Variants in TENM3 observed in about 807,000 individuals in gnomAD.
TENM3 encodes teneurin-3.
TENM3 carries 63 observed loss-of-function variants against 255.1 expected under a neutral mutation model. That is an observed-to-expected ratio of 0.25 (90% CI 0.20 to 0.30). The LOEUF (loss-of-function observed/expected upper bound fraction) is 0.30. TENM3 is among the 10% of genes least tolerant of loss of function. The pLI, the probability that TENM3 is intolerant of heterozygous loss-of-function variation, is 1.00. For synonymous variants in TENM3, 1,306 were observed against 1,322.3 expected (o/e 0.99, Z 0.27); for missense variants, 2,929 against 3,461.1 (o/e 0.85, Z 3.86).
chr4:181,935,649 A>G, the TENM3 span, among the ~76,000 whole-genome samples: 6 of 152,262 alleles, frequency 3.9e-5, no homozygotes, highest in African/African-American at 1.4e-4. Flanking sequence ...CACATGGCTC[A>G]TCTCTGCATG....
At chr4:182,469,865 G>A (rs28478370) in intron 3 of TENM3, among the ~76,000 whole-genome samples, 1 of 152,082 alleles carries the variant, frequency 6.6e-6, no homozygotes, top group African/African-American at 2.4e-5. Flanking sequence ...GTAAAATCCT[G>A]TTTTATAACA....
At chr4:181,765,669 G>C in the TENM3 span, among the ~76,000 whole-genome samples, 1 of 152,082 alleles carries the variant, frequency 6.6e-6, no homozygotes, top group Non-Finnish European at 1.5e-5. Context: ...TCATCAATGA[G>C]AACTGAAAAA....
chr4:182,145,024 T>C (rs1015321979), intron 1 of TENM3: 3 of 151,880 alleles, frequency 2.0e-5, no homozygotes, highest in Non-Finnish European at 4.4e-5. Flanking sequence ...CGCGCCCCCG[T>C]ACTGGGGAGC....
In TENM3 at chr4:182,284,234, G is replaced by A. The variant is rs181809955; in HGVS notation, c.-75-39712G>A. 9.4e-3 allele frequency among the ~76,000 whole-genome samples: 1,427 copies of A among 152,204 alleles called. 10 individuals carry two copies. Among genetic ancestry groups the A allele is most frequent in the Middle Eastern group, 0.017 (5 of 294 alleles). ...CAGATGAAAACGAGTGCATGAAATC[G>A]GAGCATTGCCAGACTCCCAGTTTCC... On this transcript the variant is annotated intron_variant, in intron 1 of 27. Coordinates refer to ENST00000511685, the MANE Select transcript of TENM3 (RefSeq NM_001080477.4).
At chr4:181,646,036 A>G in the TENM3 span, among the ~76,000 whole-genome samples, 318 of 152,352 alleles carry the variant, frequency 2.1e-3, 3 homozygotes, top group African/African-American at 7.3e-3. Context: ...CAGGCAAACT[A>G]TGGACACGCA....
At chr4:181,943,653 C>T in the TENM3 span, among the ~76,000 whole-genome samples, 2 of 152,106 alleles carry the variant, frequency 1.3e-5, no homozygotes, top group Non-Finnish European at 2.9e-5. Flanking sequence ...CACCTCTTTG[C>T]CCGCCAGAAT....
the TENM3 span, among the ~76,000 whole-genome samples, chr4:181,592,466 G>A: frequency 1.5e-4 from 23 of 151,674 alleles, no homozygotes; most frequent in South Asian, 3.1e-3. Context: ...AGGACCGGTC[G>A]CGAAGCCCAT....
At chr4:182,223,413 T>C (rs1438685036) in intron 1 of TENM3, among the ~76,000 whole-genome samples, 1 of 152,174 alleles carries the variant, frequency 6.6e-6, no homozygotes, top group Non-Finnish European at 1.5e-5. Context: ...AGGGGGTTTC[T>C]ACCATTTGCT....
chr4:182,394,983 C>T (rs971898512), intron 3 of TENM3, among the ~76,000 whole-genome samples: 1 of 152,154 alleles, frequency 6.6e-6, no homozygotes, highest in Non-Finnish European at 1.5e-5. Flanking sequence ...TTAGTGGCTT[C>T]AATTGCAGGA....
chr4:182,472,691 C>T (rs997326147), intron 3 of TENM3, among the ~76,000 whole-genome samples: 1 of 151,834 alleles, frequency 6.6e-6, no homozygotes, highest in Non-Finnish European at 1.5e-5. Context: ...CAGTGTATGA[C>T]AAATATTGAT....
the TENM3 span, among the ~76,000 whole-genome samples, chr4:181,865,003 A>G: frequency 6.6e-6 from 1 of 152,236 alleles, no homozygotes; most frequent in South Asian, 2.1e-4. Flanking sequence ...ACAAAGTAAT[A>G]CAAAGTGTGT....
At chr4:182,127,308 A>T in the TENM3 span, among the ~76,000 whole-genome samples, 1 of 152,326 alleles carries the variant, frequency 6.6e-6, no homozygotes, top group East Asian at 1.9e-4. Context: ...TCCAGAGATA[A>T]TGGATATGAT....
At chr4:181,959,763 T>C in the TENM3 span, among the ~76,000 whole-genome samples, 1 of 152,218 alleles carries the variant, frequency 6.6e-6, no homozygotes, top group African/African-American at 2.4e-5. Context: ...AAATAGAAGT[T>C]TTAAAAGCCT....
the TENM3 span, among the ~76,000 whole-genome samples, chr4:181,584,557 T>G: frequency 1.3e-5 from 2 of 152,202 alleles, no homozygotes; most frequent in Admixed American, 6.5e-5. Context: ...TTCTTCTCCT[T>G]TAAAATATCC....
chr4:182,019,724 G>C, the TENM3 span, among the ~76,000 whole-genome samples: 1 of 152,116 alleles, frequency 6.6e-6, no homozygotes, highest in Non-Finnish European at 1.5e-5. Context: ...TGTCTCCCAG[G>C]CTGAATCTTG....
chr4:182,691,127 G>A (rs1756976709), intron 12 of TENM3, among the ~76,000 whole-genome samples: 1 of 152,178 alleles, frequency 6.6e-6, no homozygotes, highest in Non-Finnish European at 1.5e-5. Flanking sequence ...TTCCTGGTTA[G>A]GGCCCTTAGT....
chr4:181,753,324 A>G, the TENM3 span, among the ~76,000 whole-genome samples: 4 of 152,158 alleles, frequency 2.6e-5, no homozygotes, highest in African/African-American at 4.8e-5. Context: ...CCCCCATGAA[A>G]GCATGAGCAG....
chr4:182,523,184 T>TTTG (rs200760976), intron 3 of TENM3, among the ~76,000 whole-genome samples: 5,450 of 151,362 alleles, frequency 0.036, 199 homozygotes, highest in African/African-American at 0.094. Context: ...TGTGTGTGGT[T>TTTG]TTGTTGTTGT....
At chr4:181,892,090 A>G in the TENM3 span, among the ~76,000 whole-genome samples, 1 of 152,172 alleles carries the variant, frequency 6.6e-6, no homozygotes, top group African/African-American at 2.4e-5. Flanking sequence ...CCAGTCTCCA[A>G]AACTGTGAAA....
Sources: gnomAD v4.1 joint callset for allele counts (sites outside exome capture counted in the v4.1 genomes callset) on GRCh38, gnomAD v4.1.1 for gene constraint, MANE v1.5 for transcripts, NCBI Gene and HGNC (gene_info 2026-07-23, HGNC 2026-07-21) for gene names.